USHBP1: variants seen among roughly 807,000 people sequenced by gnomAD.
USHBP1 encodes the protein USH1 protein network component harmonin binding protein 1, also known as harmonin-binding protein USHBP1.
A neutral mutation model predicts 76.2 loss-of-function variants in USHBP1; 67 were observed. That is an observed-to-expected ratio of 0.88 (90% CI 0.72 to 1.08). The LOEUF (loss-of-function observed/expected upper bound fraction) is 1.08. Among genes scored for constraint, USHBP1 ranks in the 50% least tolerant of loss-of-function variants. The pLI is 0.00. For missense variants in USHBP1, 931 were observed against 915.0 expected, an observed-to-expected ratio of 1.02 and a Z score of -0.23; for synonymous variants, 322 against 362.2, an observed-to-expected ratio of 0.89 and a Z score of 1.26.
chr19:17,259,585 G>A lies in USHBP1; in HGVS notation c.905+11C>T. The A allele has an allele frequency of 1.2e-6, 2 of 1,606,358 alleles. No homozygotes were observed. Among genetic ancestry groups the A allele is most frequent in the Non-Finnish European group, 1.7e-6 (2 of 1,176,992 alleles). ...CTGTGCCCTTATGAGCTCAGCATTT[G>A]AGTCTCTTACCCCCGGAGTTGCTCC... On this transcript the variant is annotated intron_variant, in intron 6 of 12. Coordinates refer to ENST00000252597, the MANE Select transcript of USHBP1 (RefSeq NM_031941.4).
rs1428955711 is a variant in USHBP1, at chr19:17,264,043, C to A, written c.162G>T (p.Leu54=). 1 of 1,611,342 alleles carries A rather than the reference C, an allele frequency of 6.2e-7. No homozygotes were observed. ...GGCCACTGACCTCCTCCATGGGGCC[C>A]AGCTGCTCCAGCCCGGAGCTCACCG... is the stretch of plus-strand genomic sequence containing the variant. ...PPPVSSGLEQ[L]GPMEEVSGQG... The change falls in exon 3 of 13, where the codon CTG becomes CTT. Residue 54 remains leucine (L), a synonymous_variant. Transcript: ENST00000252597.
Position 17,258,271 on chromosome 19 carries a change from C to T in USHBP1, c.1161G>A (p.Arg387=), listed in dbSNP as rs141786382. 5,376 of 1,614,132 alleles carry T rather than the reference C, an allele frequency of 3.3e-3. 16 individuals carry two copies. The highest frequency in any genetic ancestry group is 5.3e-3 in the Middle Eastern group (32 of 6,056). The stretch of plus-strand genomic sequence containing the variant: ...TGGCAGCCTCCTCTTGTGCCAGCAG[C>T]CTCCATGCTTCCTTTTCAGCTGCTT... The part of the protein sequence containing the change: ...DLQAAEKEAW[R]LLAQEEAAMD... The change falls in exon 8 of 13, where the codon AGG becomes AGA. Residue 387 remains arginine (R), a synonymous_variant. Transcript: ENST00000252597.
chr19:17,256,849 G>A, intron 8 of USHBP1, 129 bp from the exon 9 acceptor site: 1 of 1,380,870 alleles, frequency 7.2e-7, no homozygotes, highest in Non-Finnish European at 9.8e-7. Context: ...CATCTTTGGT[G>A]GTCCCTGTCA....
intron 12 of USHBP1, among the ~76,000 whole-genome samples, chr19:17,250,936 C>T (rs2073542836): frequency 6.6e-6 from 1 of 152,068 alleles, no homozygotes; most frequent in Non-Finnish European, 1.5e-5. Flanking sequence ...TCTCGGCTCA[C>T]TGCAACCTCT....
intron 7 of USHBP1, chr19:17,258,778 C>A: frequency 3.5e-6 from 1 of 288,168 alleles, no homozygotes; most frequent in Non-Finnish European, 6.8e-6. Context: ...CTATAGGTGC[C>A]AGTCCCCACT....
chr19:17,263,440 G>C (rs1463966885), intron 3 of USHBP1: 1 of 160,934 alleles, frequency 6.2e-6, no homozygotes, highest in African/African-American at 2.4e-5. Context: ...GCATCCCAGG[G>C]TGAGACTGGG....
rs979592665 is a variant in USHBP1 at position 17,264,730 on chromosome 19, G to A, written c.-108C>T. The A allele has an allele frequency of 5.4e-6, 1 of 183,940 alleles. No homozygotes were observed. Among genetic ancestry groups the A allele is most frequent in the Non-Finnish European group, 1.1e-5 (1 of 87,238 alleles). 11.4% of individuals were successfully genotyped at this position (183,940 alleles called of 1,614,324 possible). On this transcript the variant is annotated 5_prime_UTR_variant, in exon 1 of 13. Coordinates refer to ENST00000252597, the MANE Select transcript of USHBP1 (RefSeq NM_031941.4). ...CCTGAGTCCCGGGACACTCTGTTGG[G>A]GTCACTCTGACCACTGCCTGTTCAG... is the stretch of plus-strand genomic sequence containing the variant.
rs769312791 is a variant in USHBP1 at position 17,264,039 on chromosome 19, G to T, written c.166C>A (p.Pro56Thr). Residue 56 changes from proline to threonine, a missense_variant, in exon 3 of 13, where the codon CCC becomes ACC. Coordinates refer to ENST00000252597, the MANE Select transcript of USHBP1 (RefSeq NM_031941.4). ...PVSSGLEQLG[P>T]MEEVSGQGLG... Reference sequence around the variant, plus strand: ...CCTTGGCCACTGACCTCCTCCATGGGGCCCAGCTGCTCCAGCCCGGAGCTC... The same window carrying T: ...CCTTGGCCACTGACCTCCTCCATGGTGCCCAGCTGCTCCAGCCCGGAGCTC... 6 of 1,610,424 alleles carry T rather than the reference G, an allele frequency of 3.7e-6. No homozygotes were observed. The Admixed American group carries it at 8.4e-5, about 23-fold the overall frequency.
chr19:17,259,757 G>T, intron 5 of USHBP1, 25 bp from the exon 6 acceptor site: 1 of 1,590,536 alleles, frequency 6.3e-7, no homozygotes, highest in East Asian at 2.2e-5. Flanking sequence ...TGATATAACT[G>T]ACCCCAATTG....
chr19:17,256,479 C>A lies in USHBP1; in HGVS notation c.1462G>T (p.Ala488Ser). Residue 488 changes from alanine (A) to serine (S), a missense_variant, in exon 9 of 13, where the codon GCC becomes TCC. Transcript: ENST00000252597. The part of the protein sequence containing the change: ...EKTQIQQDLV[A>S]AREALADLML... ...CCACAGCCCATTTGTACCCTTGCGG[C>A]CACCAGGTCCTGCTGAATTTGTGTC... The A allele has an allele frequency of 6.2e-7, 1 of 1,613,528 alleles. No homozygotes were observed. The highest frequency in any genetic ancestry group is 8.5e-7 in the Non-Finnish European group (1 of 1,180,010).
At chr19:17,254,610 C>A (rs898476296) in intron 10 of USHBP1, among the ~76,000 whole-genome samples, 6 of 148,044 alleles carry the variant, frequency 4.1e-5, no homozygotes, top group Non-Finnish European at 8.9e-5. Flanking sequence ...AAGCCAAGAT[C>A]GGGCCATTGC....
Position 17,256,486 on chromosome 19 carries a change from G to A in USHBP1, c.1455C>T (p.Asp485=). ...PRLEKTQIQQ[D]LVAAREALAD... ...CCATTTGTACCCTTGCGGCCACCAG[G>A]TCCTGCTGAATTTGTGTCTTCTCCA... The change falls in exon 9 of 13, where the codon GAC becomes GAT. Residue 485 remains aspartate (D), a synonymous_variant. Coordinates refer to ENST00000252597, the MANE Select transcript of USHBP1 (RefSeq NM_031941.4). 1 of 1,613,636 alleles carries A rather than the reference G, an allele frequency of 6.2e-7. No homozygotes were observed. The highest frequency in any genetic ancestry group is 1.1e-5 in the South Asian group (1 of 91,072).
chr19:17,250,642 G>A (rs982636326), intron 12 of USHBP1, among the ~76,000 whole-genome samples: 3 of 151,170 alleles, frequency 2.0e-5, no homozygotes, highest in Non-Finnish European at 4.4e-5. Context: ...CCTCTGCCTC[G>A]AGGGTTCAAG....
rs2073552173 is a variant in USHBP1, at chr19:17,251,593, G to A, written c.1911C>T (p.Cys637=). Residue 637 remains cysteine (C), a synonymous_variant, in exon 12 of 13, where the codon TGC becomes TGT. Coordinates refer to ENST00000252597, the MANE Select transcript of USHBP1 (RefSeq NM_031941.4). ...CAGAACAGTCCTACCTGTGGGCTTT[G>A]CATAAATCCCTGTTCAGCTCGGCAC... ...SQSAELNRDL[C]KAHSALVLAF... 1 of 1,613,744 alleles carries A rather than the reference G, an allele frequency of 6.2e-7. No individual in the cohort carries two copies. The highest frequency in any genetic ancestry group is 1.3e-5 in the African/African-American group (1 of 74,898).
chr19:17,252,610 C>T (rs563392347), intron 10 of USHBP1, among the ~76,000 whole-genome samples: 192 of 152,022 alleles, frequency 1.3e-3, no homozygotes, highest in Non-Finnish European at 2.2e-3. Context: ...CCCTGTAATT[C>T]CAGCTACTTG....
chr19:17,261,092 C>T (rs556565945), intron 4 of USHBP1, among the ~76,000 whole-genome samples: 2 of 152,228 alleles, frequency 1.3e-5, no homozygotes, highest in African/African-American at 2.4e-5. Context: ...CTGCTCAAAA[C>T]CCTCCAGGGC....
chr19:17,256,731 CAG>C lies in USHBP1; in HGVS notation c.1221-13_1221-12del, dbSNP rs554537226. 7.7e-5 allele frequency: 124 copies of C among 1,613,964 alleles called. No homozygotes were observed. In the African/African-American group the frequency reaches 1.4e-3, roughly 18 times the overall value. On this transcript the variant is annotated splice_polypyrimidine_tract_variant and intron_variant, in intron 8 of 12. Transcript: ENST00000252597. ...CTGCTGCCTTCAGGGCTATAGAAAA[CAG>C]AAAAGGTGCCTATGTCAACACTGGC...
At chr19:17,260,117 C>T in intron 4 of USHBP1, 95 bp from the exon 5 acceptor site, 1 of 1,453,230 alleles carries the variant, frequency 6.9e-7, no homozygotes, top group Non-Finnish European at 9.1e-7. Flanking sequence ...GGCAAGAACC[C>T]TAGCTGGAAG....
Position 17,264,308 on chromosome 19 carries a change from A to G in USHBP1, c.-9T>C, listed in dbSNP as rs1289498520. The G allele has an allele frequency of 6.2e-7, 1 of 1,610,004 alleles. No homozygotes were observed. Among genetic ancestry groups the G allele is most frequent in the Admixed American group, 1.7e-5 (1 of 59,598 alleles). ...GTGGCCCGGGCACTCATTGCTGTCC[A>G]GAAGCCAGTGCCCTCTGAATGCTTC... On this transcript the variant is annotated 5_prime_UTR_variant, in exon 2 of 13. Transcript: ENST00000252597.
Sources: allele counts gnomAD v4.1 joint callset (sites outside exome capture counted in the v4.1 genomes callset), GRCh38; gene constraint gnomAD v4.1.1; transcripts MANE v1.5; gene names NCBI Gene and HGNC (gene_info 2026-07-23, HGNC 2026-07-21).